The following URB1 variants were observed in gnomAD, a reference collection of about 807,000 sequenced individuals.
URB1 encodes the protein URB1 ribosome biogenesis factor.
A neutral mutation model predicts 242.3 loss-of-function variants in URB1; 197 were observed. The observed-to-expected ratio is 0.81, with a 90% CI of 0.72 to 0.91. The LOEUF (loss-of-function observed/expected upper bound fraction) is 0.91, where lower values mean the gene tolerates loss of function less well. Ranked by LOEUF, URB1 falls within the 40% of genes least tolerant of loss-of-function variation. URB1 has a pLI of 0.00. For synonymous variants in URB1, 1,153 were observed against 1,201.8 expected (o/e 0.96, Z 0.84); for missense variants, 2,721 against 2,860.5 (o/e 0.95, Z 1.11).
chr21:32,351,446 T>C (rs935843521), intron 19 of URB1, among the ~76,000 whole-genome samples: 7 of 152,248 alleles, frequency 4.6e-5, no homozygotes, highest in African/African-American at 1.7e-4. Flanking sequence ...CCAAGCTGCC[T>C]TCTTTATTTA....
At chr21:32,340,001 A>C (rs1411904591) in intron 25 of URB1, among the ~76,000 whole-genome samples, 3 of 152,056 alleles carry the variant, frequency 2.0e-5, no homozygotes, top group Admixed American at 6.5e-5. Flanking sequence ...TCCCTTCAAA[A>C]CCCACTAAGG....
In URB1 at chr21:32,347,226, G is replaced by C. The variant is rs1303785193; in HGVS notation, c.3598C>G (p.Leu1200Val). The C allele has an allele frequency of 6.4e-7, 1 of 1,550,684 alleles. No homozygotes were observed. Among genetic ancestry groups the C allele is most frequent in the Non-Finnish European group, 8.7e-7 (1 of 1,146,974 alleles). ...GGGTCTCTCTGCAGAGTGTGGAGGA[G>C]CACTGTGTCCAGCTCGTCCACTGCT... ...TLAVDELDTV[L>V]LHTLQRDPVL... Residue 1200 changes from leucine (L) to valine (V), a missense_variant, in exon 22 of 39, where the codon CTC (leucine) becomes GTC (valine). Leu to Val is a conservative substitution (Grantham distance 32). Coordinates refer to ENST00000382751, the MANE Select transcript of URB1 (RefSeq NM_014825.3).
At chr21:32,354,702 T>A (rs1198065084) in intron 17 of URB1, among the ~76,000 whole-genome samples, 157 bp downstream of exon 17, 2 of 152,206 alleles carry the variant, frequency 1.3e-5, no homozygotes, top group African/African-American at 4.8e-5. Context: ...CATGAACACA[T>A]AAGGAGATTA....
chr21:32,364,626 G>A (rs1249643660), intron 10 of URB1, among the ~76,000 whole-genome samples: 7 of 152,292 alleles, frequency 4.6e-5, no homozygotes, highest in East Asian at 3.9e-4. Context: ...CCACACAAGC[G>A]TGCACACCAC....
At position 32,330,328 on chromosome 21, in the gene URB1, T is replaced by A. The variant is rs143638345; in HGVS notation, c.4960+2989A>T. Among the ~76,000 whole-genome samples the A allele has an allele frequency of 3.6e-3, 554 of 151,840 alleles. 2 individuals are homozygous for A. The highest frequency in any genetic ancestry group is 0.012 in the African/African-American group (509 of 41,418). On this transcript the variant is annotated intron_variant, in intron 30 of 38. Coordinates refer to ENST00000382751, the MANE Select transcript of URB1 (RefSeq NM_014825.3). ...ATTGCAATTCCTTTTCAAATTGGGA[T>A]AGGCAAGCTCTGCAAATTTTTCTAC...
chr21:32,316,460 C>G lies in URB1; in HGVS notation c.6634+6G>C. The G allele has an allele frequency of 6.6e-7, 1 of 1,506,670 alleles. No homozygotes were observed. Among genetic ancestry groups the G allele is most frequent in the Non-Finnish European group, 8.9e-7 (1 of 1,126,594 alleles). 93.3% of individuals were successfully genotyped at this position (1,506,670 alleles called of 1,614,324 possible). On this transcript the variant is annotated splice_donor_region_variant and intron_variant, in intron 38 of 38. Coordinates refer to ENST00000382751, the MANE Select transcript of URB1 (RefSeq NM_014825.3). ...CTTCAGCCTCCAACAAAAGAACCAG[C>G]CTTACCTTGTGTGGCTTCATCCTTC...
intron 10 of URB1, among the ~76,000 whole-genome samples, chr21:32,364,501 C>T (rs2033323724): frequency 6.6e-6 from 1 of 152,324 alleles, no homozygotes; most frequent in African/African-American, 2.4e-5. Flanking sequence ...CCCCAGAGCC[C>T]CAGCATTCCA....
chr21:32,312,230 A>T lies in URB1; in HGVS notation c.*2688T>A. ...TTGAGCACACCTAGCCTGCTTGCTT[A>T]CTGCTTATATTTGCTCAGGGAAGAG... On this transcript the variant is annotated 3_prime_UTR_variant, in exon 39 of 39. Coordinates refer to ENST00000382751, the MANE Select transcript of URB1 (RefSeq NM_014825.3). 6.9e-7 allele frequency: 1 copy of T among 1,441,686 alleles called. No individual in the cohort carries two copies. Among genetic ancestry groups the T allele is most frequent in the Non-Finnish European group, 9.1e-7 (1 of 1,100,356 alleles). 89.3% of individuals were successfully genotyped at this position (1,441,686 alleles called of 1,614,324 possible). A position where few individuals can be genotyped will look rare whatever the true frequency, so the allele number is the denominator to read the frequency against.
rs1601112751 is a variant in URB1 at position 32,312,269 on chromosome 21, T to C, written c.*2649A>G. ...CTCAGGGAAGAGTAGGAAAATAAAATATATGCAAATCAAGAGGAAAAGCTG... is the reference window on the plus strand; with the variant it reads ...CTCAGGGAAGAGTAGGAAAATAAAACATATGCAAATCAAGAGGAAAAGCTG... On this transcript the variant is annotated 3_prime_UTR_variant, in exon 39 of 39. Coordinates refer to ENST00000382751, the MANE Select transcript of URB1 (RefSeq NM_014825.3). 6 of 1,388,490 alleles carry C rather than the reference T, an allele frequency of 4.3e-6. No homozygotes were observed. The East Asian group carries it at 8.4e-5, about 19-fold the overall frequency. The allele number at this position is 1,388,490 out of a possible 1,614,324, so 86.0% of individuals were successfully genotyped here.
At chr21:32,325,168 C>A in intron 31 of URB1, 61 bp downstream of exon 31, 2 of 1,495,888 alleles carry the variant, frequency 1.3e-6, no homozygotes, top group Non-Finnish European at 1.8e-6. Context: ...GGGTGGACAG[C>A]CAGCTCTCTG....
At chr21:32,382,186 G>C (rs985217429) in intron 4 of URB1, among the ~76,000 whole-genome samples, 9 of 152,154 alleles carry the variant, frequency 5.9e-5, no homozygotes, top group Non-Finnish European at 1.3e-4. Context: ...GATCAAAAGA[G>C]ATGGGTGGGG....
chr21:32,384,823 T>C (rs914042544), intron 2 of URB1, among the ~76,000 whole-genome samples: 3 of 151,532 alleles, frequency 2.0e-5, no homozygotes, highest in African/African-American at 7.3e-5. Flanking sequence ...CTACTAAAAA[T>C]ACAAAAAATT....
chr21:32,326,582 G>T (rs1262707158), intron 30 of URB1, among the ~76,000 whole-genome samples: 1 of 152,118 alleles, frequency 6.6e-6, no homozygotes, highest in Non-Finnish European at 1.5e-5. Flanking sequence ...TGGGGACTCC[G>T]GTGGGAGGTG....
At chr21:32,384,270 A>C in intron 3 of URB1, 43 bp downstream of exon 3, 1 of 1,532,940 alleles carries the variant, frequency 6.5e-7, no homozygotes, top group Non-Finnish European at 8.8e-7. Flanking sequence ...TGCAGACCAA[A>C]CCCAAAGGCC....
At chr21:32,362,054 T>C (rs753752182) in intron 11 of URB1, 33 bp from the exon 12 acceptor site, 2 of 1,548,396 alleles carry the variant, frequency 1.3e-6, no homozygotes, top group African/African-American at 1.4e-5. Flanking sequence ...ACATTAGTTG[T>C]AGTCAACCAC....
intron 1 of URB1, among the ~76,000 whole-genome samples, chr21:32,386,801 T>C (rs757516444): frequency 6.6e-6 from 1 of 152,140 alleles, no homozygotes; most frequent in Non-Finnish European, 1.5e-5. Context: ...TAGGTACTAG[T>C]ATTTCACAGA....
intron 29 of URB1, 124 bp downstream of exon 29, chr21:32,334,039 A>G: frequency 8.1e-7 from 1 of 1,238,742 alleles, no homozygotes. Context: ...CTATACCTTT[A>G]TATATGATAA....
chr21:32,361,202 A>AGAAAGAAAGAAAGAAAGAAG, intron 12 of URB1, 79 bp from the exon 13 acceptor site: 1 of 986,162 alleles, frequency 1.0e-6, no homozygotes, highest in Non-Finnish European at 1.4e-6. Flanking sequence ...AAAGAAAGAA[A>AGAAAGAAAGAAAGAAAGAAG]GAAAATAGCT....
rs532674372 is a variant in URB1, at chr21:32,362,008, A to T, written c.1523T>A (p.Leu508Gln). ...CTGCCAGACCCACACGACAGTGTTC[A>T]GGTCTGGCAAAATCTAAATGGGAAA... Reference protein sequence around the residue: ...REALSKILPDLNTVVWVWQSL... With the variant: ...REALSKILPDQNTVVWVWQSL... The change falls in exon 12 of 39, where the codon CTG (leucine) becomes CAG (glutamine). Residue 508 changes from leucine (L) to glutamine (Q), a missense_variant. Leu to Gln is a moderately radical substitution (Grantham distance 113). Coordinates refer to ENST00000382751, the MANE Select transcript of URB1 (RefSeq NM_014825.3). 3.2e-6 allele frequency: 5 copies of T among 1,551,282 alleles called. No individual in the cohort carries two copies. In the South Asian group the frequency reaches 4.8e-5, roughly 15 times the overall value.
Sources: allele counts gnomAD v4.1 joint callset (sites outside exome capture counted in the v4.1 genomes callset), GRCh38; gene constraint gnomAD v4.1.1; transcripts MANE v1.5; gene names NCBI Gene and HGNC (gene_info 2026-07-23, HGNC 2026-07-21).